Variants in CEP55 observed in about 807,000 individuals in gnomAD.
CEP55 encodes the protein centrosomal protein 55.
A neutral mutation model predicts 63.2 loss-of-function variants in CEP55; 57 were observed. That is an observed-to-expected ratio of 0.90 (90% CI 0.73 to 1.13). The LOEUF (loss-of-function observed/expected upper bound fraction) is 1.13. Among genes scored for constraint, CEP55 ranks in the 50% most tolerant of loss-of-function variants. The probability of loss-of-function intolerance (pLI) is 0.00; values close to 1 mark genes in which losing one functional copy is unlikely to be tolerated. For synonymous variants in CEP55, 178 were observed against 191.6 expected, an observed-to-expected ratio of 0.93 and a Z score of 0.59; for missense variants, 456 against 518.9, an observed-to-expected ratio of 0.88 and a Z score of 1.18.
chr10:93,517,090 T>G lies in CEP55; in HGVS notation c.835T>G (p.Leu279Val). 1.2e-6 allele frequency: 2 copies of G among 1,614,070 alleles called. No individual in the cohort carries two copies. The highest frequency in any genetic ancestry group is 2.2e-5 in the South Asian group (2 of 91,070). The change falls in exon 6 of 9, where the codon TTA becomes GTA. Residue 279 changes from leucine (L) to valine (V), a missense_variant. Physicochemically the swap from Leu to Val is conservative, Grantham distance 32. Coordinates refer to ENST00000371485, the MANE Select transcript of CEP55 (RefSeq NM_018131.5). ...AGAAACCCAAAAAGAAGTTCACAAT[T>G]TAAATCAGCTGTTGTATTCACAAAG... ...YEETQKEVHN[L>V]NQLLYSQRRA... is the part of the protein sequence containing the mutation.
At position 93,519,770 on chromosome 10, in the gene CEP55, G is replaced by A. The variant is rs578017409; in HGVS notation, c.1154G>A (p.Arg385Gln). Residue 385 changes from arginine to glutamine, a missense_variant, in exon 8 of 9, where the codon CGA becomes CAA. Transcript: ENST00000371485. ...HQLHVILKEL[R>Q]KARNQITQLE... Reference sequence around the variant, plus strand: ...TTGCATGTAATTCTTAAGGAGCTCCGAAAAGCAAGAAATCAAATAACACAG... The same window carrying A: ...TTGCATGTAATTCTTAAGGAGCTCCAAAAAGCAAGAAATCAAATAACACAG... 8.5e-5 allele frequency: 137 copies of A among 1,613,964 alleles called. No individual in the cohort carries two copies. Among genetic ancestry groups the A allele is most frequent in the South Asian group, 5.8e-4 (53 of 91,082 alleles).
intron 3 of CEP55, among the ~76,000 whole-genome samples, chr10:93,505,115 A>T (rs2057675282): frequency 6.6e-6 from 1 of 152,216 alleles, no homozygotes; most frequent in Admixed American, 6.5e-5. Flanking sequence ...TCTGGCCTGA[A>T]ATTATAATTT....
intron 8 of CEP55, among the ~76,000 whole-genome samples, chr10:93,522,996 A>G (rs1436470152): frequency 6.6e-6 from 1 of 152,228 alleles, no homozygotes; most frequent in Non-Finnish European, 1.5e-5. Context: ...GCCAAATTGT[A>G]AAGACCATCG....
intron 3 of CEP55, among the ~76,000 whole-genome samples, chr10:93,506,761 A>G (rs11187484): frequency 0.031 from 4,714 of 152,196 alleles, 97 homozygotes; most frequent in Non-Finnish European, 0.047. Flanking sequence ...TTTAGTAGAG[A>G]TGGGTTTTCG....
chr10:93,512,229 A>AAAAAAAG (rs2057759331), intron 4 of CEP55, among the ~76,000 whole-genome samples: 1 of 150,954 alleles, frequency 6.6e-6, no homozygotes, highest in South Asian at 2.1e-4. Context: ...TCCGTTTCAA[A>AAAAAAAG]AAAAAAAAAA....
At chr10:93,520,352 G>A (rs956056339) in intron 8 of CEP55, 10 of 154,176 alleles carry the variant, frequency 6.5e-5, no homozygotes, top group Non-Finnish European at 1.1e-4. Flanking sequence ...ACTTGAACCC[G>A]GGATGCAGAG....
At chr10:93,519,891 T>G in intron 8 of CEP55, 84 bp downstream of exon 8, 1 of 1,483,716 alleles carries the variant, frequency 6.7e-7, no homozygotes, top group Non-Finnish European at 9.4e-7. Context: ...AGGATACAGC[T>G]TAACACACAG....
At chr10:93,524,335 C>G (rs1451699994) in intron 8 of CEP55, among the ~76,000 whole-genome samples, 3 of 152,158 alleles carry the variant, frequency 2.0e-5, no homozygotes, top group African/African-American at 4.8e-5. Flanking sequence ...ACTAGAAAAT[C>G]TAGAAGAAAT....
chr10:93,498,327 C>T (rs76118414), intron 1 of CEP55, among the ~76,000 whole-genome samples: 6,877 of 152,158 alleles, frequency 0.045, 527 homozygotes, highest in African/African-American at 0.16. Context: ...CTTTCACGTT[C>T]TGCAGATCTA....
rs916755794 is a variant in CEP55, at chr10:93,505,000, C to T, written c.459+1612C>T. On this transcript the variant is annotated intron_variant, in intron 3 of 8. Coordinates refer to ENST00000371485, the MANE Select transcript of CEP55 (RefSeq NM_018131.5). ...CTGATTTTTGTATTATTAATAGAGA[C>T]GGGGTTTCAACATGTTGGCCAGGCT... Among the ~76,000 whole-genome samples the T allele has an allele frequency of 3.0e-4, 46 of 151,842 alleles. 1 individual carries two copies. The highest frequency in any genetic ancestry group is 1.4e-4 in the African/African-American group (6 of 41,418).
chr10:93,519,197 GTTGGCC>G, intron 7 of CEP55: 1 of 462,722 alleles, frequency 2.2e-6, no homozygotes, highest in Non-Finnish European at 3.9e-6. Flanking sequence ...ACAGGTAGAT[GTTGGCC>G]TTGGCAAATT....
chr10:93,513,533 G>A (rs1472790359), intron 4 of CEP55, among the ~76,000 whole-genome samples: 2 of 152,154 alleles, frequency 1.3e-5, no homozygotes, highest in Non-Finnish European at 1.5e-5. Context: ...GGAACTAGAG[G>A]TCTGGAAAGA....
intron 8 of CEP55, among the ~76,000 whole-genome samples, chr10:93,527,284 T>C (rs1244964356): frequency 6.6e-6 from 1 of 152,192 alleles, no homozygotes; most frequent in African/African-American, 2.4e-5. Context: ...CTTGCTGCCT[T>C]TAATTTCCAT....
rs2057812104 is a variant in CEP55, at chr10:93,517,102, T to C, written c.847T>C (p.Leu283=). The C allele has an allele frequency of 6.2e-7, 1 of 1,614,042 alleles. No homozygotes were observed. The highest frequency in any genetic ancestry group is 1.3e-5 in the African/African-American group (1 of 75,028). ...AGAAGTTCACAATTTAAATCAGCTG[T>C]TGTATTCACAAAGAAGGGCAGATGT... ...QKEVHNLNQL[L]YSQRRADVQH... Residue 283 remains leucine (L), a synonymous_variant, in exon 6 of 9, where the codon TTG becomes CTG. Coordinates refer to ENST00000371485, the MANE Select transcript of CEP55 (RefSeq NM_018131.5).
At chr10:93,497,586 G>T (rs1351751598) in intron 1 of CEP55, among the ~76,000 whole-genome samples, 1 of 152,008 alleles carries the variant, frequency 6.6e-6, no homozygotes, top group African/African-American at 2.4e-5. Context: ...AATCATATCT[G>T]AGGGCTTGCT....
In CEP55 at chr10:93,519,764, A is replaced by G; in HGVS notation, c.1148A>G (p.Glu383Gly). The G allele has an allele frequency of 6.2e-7, 1 of 1,614,120 alleles. No individual in the cohort carries two copies. Among genetic ancestry groups the G allele is most frequent in the Non-Finnish European group, 8.5e-7 (1 of 1,179,996 alleles). The part of the protein sequence containing the change: ...VQHQLHVILK[E>G]LRKARNQITQ... ...CATCAATTGCATGTAATTCTTAAGG[A>G]GCTCCGAAAAGCAAGAAATCAAATA... Residue 383 changes from glutamate to glycine, a missense_variant, in exon 8 of 9, where the codon GAG becomes GGG. By Grantham distance (98) the Glu-to-Gly change is moderately conservative. Transcript: ENST00000371485.
chr10:93,501,633 C>T (rs1337435395), intron 2 of CEP55, among the ~76,000 whole-genome samples: 2 of 151,850 alleles, frequency 1.3e-5, no homozygotes, highest in African/African-American at 4.8e-5. Context: ...CACCACTGCA[C>T]TCCAGCCTGG....
At chr10:93,514,562 G>T (rs1010896986) in intron 4 of CEP55, among the ~76,000 whole-genome samples, 1 of 152,210 alleles carries the variant, frequency 6.6e-6, no homozygotes, top group African/African-American at 2.4e-5. Context: ...ACCTAACAAG[G>T]TCTCTGTCAC....
At chr10:93,514,506 A>G (rs987792286) in intron 4 of CEP55, among the ~76,000 whole-genome samples, 4 of 152,216 alleles carry the variant, frequency 2.6e-5, no homozygotes, top group Non-Finnish European at 5.9e-5. Context: ...CTGTGCAAGG[A>G]AAAAGGAAGT....
Sources: gnomAD v4.1 joint callset for allele counts (sites outside exome capture counted in the v4.1 genomes callset) on GRCh38, gnomAD v4.1.1 for gene constraint, MANE v1.5 for transcripts, NCBI Gene and HGNC (gene_info 2026-07-23, HGNC 2026-07-21) for gene names.